ADAMTS17: variants seen among roughly 807,000 people sequenced by gnomAD.
The protein encoded by ADAMTS17 is A disintegrin and metalloproteinase with thrombospondin motifs 17.
In ADAMTS17, 113 loss-of-function variants were observed where a neutral mutation model predicts 141.5. That is an observed-to-expected ratio of 0.80 (90% CI 0.69 to 0.93). The LOEUF is 0.93. Ranked by LOEUF, ADAMTS17 falls within the 40% of genes least tolerant of loss-of-function variation. The probability of loss-of-function intolerance (pLI) is 0.00; values close to 1 mark genes in which losing one functional copy is unlikely to be tolerated. For synonymous variants in ADAMTS17, 768 were observed against 630.6 expected, an observed-to-expected ratio of 1.22 and a Z score of -3.27; for missense variants, 1,659 against 1,517.9, an observed-to-expected ratio of 1.09 and a Z score of -1.54.
chr15:100,284,524 T>C (rs74037444), intron 3 of ADAMTS17, among the ~76,000 whole-genome samples: 10 of 152,276 alleles, frequency 6.6e-5, no homozygotes, highest in African/African-American at 2.2e-4. Flanking sequence ...CAAGAGACCG[T>C]GGACTTGCAT....
At chr15:100,107,290 G>C (rs142268945) in intron 14 of ADAMTS17, among the ~76,000 whole-genome samples, 1 of 152,128 alleles carries the variant, frequency 6.6e-6, no homozygotes, top group Admixed American at 6.5e-5. Context: ...TCTGCTGTCC[G>C]CATGGGCAAG....
intron 7 of ADAMTS17, among the ~76,000 whole-genome samples, chr15:100,231,349 C>T (rs1003587733): frequency 1.3e-5 from 2 of 152,230 alleles, no homozygotes; most frequent in Non-Finnish European, 2.9e-5. Context: ...AACTCTCTGG[C>T]TAATTCTCAT....
chr15:100,117,079 G>A lies in ADAMTS17; in HGVS notation c.1722-66C>T, dbSNP rs986276938. 154 of 1,528,054 alleles carry A rather than the reference G, an allele frequency of 1.0e-4. 1 individual carries two copies. The African/African-American group carries it at 1.8e-3, about 18-fold the overall frequency. 94.7% of individuals were successfully genotyped at this position (1,528,054 alleles called of 1,614,324 possible). A position where few individuals can be genotyped will look rare whatever the true frequency, so the allele number is the denominator to read the frequency against. On this transcript the variant is annotated intron_variant, in intron 12 of 21. Coordinates refer to ENST00000268070, the MANE Select transcript of ADAMTS17 (RefSeq NM_139057.4). The stretch of plus-strand genomic sequence containing the variant: ...ACCAAAGGGCAGGAGAGCTGTTTCC[G>A]TCTCTCTTGCCAGGGGGAGGAGAGG...
intron 6 of ADAMTS17, among the ~76,000 whole-genome samples, chr15:100,255,202 C>T (rs1371040853): frequency 6.6e-6 from 1 of 152,080 alleles, no homozygotes; most frequent in African/African-American, 2.4e-5. Flanking sequence ...TGGATCATTC[C>T]TATGCTTCTT....
chr15:100,209,054 C>T (rs1043393264), intron 7 of ADAMTS17, among the ~76,000 whole-genome samples: 1 of 134,426 alleles, frequency 7.4e-6, no homozygotes, highest in African/African-American at 2.8e-5. Context: ...CTCTTATAGC[C>T]GTATTTCTAA....
At chr15:100,044,768 C>A (rs555665954) in intron 18 of ADAMTS17, among the ~76,000 whole-genome samples, 1 of 151,778 alleles carries the variant, frequency 6.6e-6, no homozygotes, top group South Asian at 2.1e-4. Flanking sequence ...AGCAGCACTG[C>A]TCAACAGAAA....
intron 7 of ADAMTS17, among the ~76,000 whole-genome samples, chr15:100,245,622 A>G (rs184492185): frequency 7.2e-5 from 11 of 152,380 alleles, no homozygotes; most frequent in Admixed American, 7.2e-4. Flanking sequence ...AAGAACAAGA[A>G]AAGTTGAACT....
intron 7 of ADAMTS17, among the ~76,000 whole-genome samples, chr15:100,243,440 A>G (rs11855658): frequency 6.6e-6 from 1 of 152,204 alleles, no homozygotes; most frequent in South Asian, 2.1e-4. Flanking sequence ...CCAGCAGTGC[A>G]CAAGGGTTCC....
intron 7 of ADAMTS17, 144 bp from the exon 8 acceptor site, chr15:100,199,567 G>A: frequency 1.3e-6 from 1 of 765,420 alleles, no homozygotes. Context: ...CACCTGGGAA[G>A]GGTTTGTGTA....
In ADAMTS17 at chr15:100,109,130, G is replaced by A. The variant is rs374520210; in HGVS notation, c.1889-14C>T. 340 of 1,604,470 alleles carry A rather than the reference G, an allele frequency of 2.1e-4. No homozygotes were observed. The highest frequency in any genetic ancestry group is 2.7e-4 in the Non-Finnish European group (322 of 1,175,412). On this transcript the variant is annotated splice_polypyrimidine_tract_variant and intron_variant, in intron 13 of 21. Transcript: ENST00000268070. ...CACATGGCTTATCTGAGGAGGGAAA[G>A]GTTGGAGGACGTTGACACGGGAAGG...
At chr15:100,111,894 C>T (rs1311854733) in intron 13 of ADAMTS17, among the ~76,000 whole-genome samples, 5 of 152,194 alleles carry the variant, frequency 3.3e-5, no homozygotes, top group Non-Finnish European at 5.9e-5. Context: ...GGTCACGCCC[C>T]GCCTCTTGGC....
intron 3 of ADAMTS17, among the ~76,000 whole-genome samples, chr15:100,293,381 A>G (rs1185030041): frequency 6.6e-6 from 1 of 152,200 alleles, no homozygotes. Context: ...AGCCCACTTT[A>G]AGTACAAAGA....
intron 3 of ADAMTS17, 106 bp downstream of exon 3, chr15:100,330,783 G>A (rs2046027170): frequency 1.4e-6 from 2 of 1,423,764 alleles, no homozygotes; most frequent in Admixed American, 1.9e-5. Context: ...TTGAAATATA[G>A]GGGAAGGTAA....
intron 18 of ADAMTS17, among the ~76,000 whole-genome samples, chr15:100,021,883 G>A (rs973871323): frequency 7.2e-5 from 11 of 151,996 alleles, no homozygotes; most frequent in Admixed American, 3.9e-4. Context: ...CTCATTTCTC[G>A]GTTGGCCAAT....
At chr15:100,116,657 C>G (rs955487683) in intron 13 of ADAMTS17, among the ~76,000 whole-genome samples, 190 bp downstream of exon 13, 1 of 152,254 alleles carries the variant, frequency 6.6e-6, no homozygotes. Flanking sequence ...TGGAACATCT[C>G]AGAGAGCTGG....
At chr15:100,316,775 C>G (rs577270759) in intron 3 of ADAMTS17, among the ~76,000 whole-genome samples, 2 of 151,176 alleles carry the variant, frequency 1.3e-5, no homozygotes, top group East Asian at 1.9e-4. Flanking sequence ...GCAAATATAT[C>G]AAGACATGCA....
chr15:100,065,040 T>A (rs192132839), intron 15 of ADAMTS17, among the ~76,000 whole-genome samples: 2 of 152,178 alleles, frequency 1.3e-5, no homozygotes, highest in East Asian at 3.8e-4. Flanking sequence ...AATACCTATT[T>A]TGAGGGGTTT....
chr15:99,976,266 G>T, intron 20 of ADAMTS17, 44 bp from the exon 21 acceptor site: 2 of 1,535,672 alleles, frequency 1.3e-6, no homozygotes, highest in Non-Finnish European at 1.7e-6. Context: ...ATGAGGTCAA[G>T]GGACTGGGAT....
intron 18 of ADAMTS17, among the ~76,000 whole-genome samples, chr15:100,001,761 A>G (rs1389432684): frequency 1.3e-5 from 2 of 152,058 alleles, no homozygotes; most frequent in Admixed American, 6.5e-5. Flanking sequence ...TCCTGAGGTT[A>G]GGAGTTCGAG....
Sources: gnomAD v4.1 joint callset for allele counts (sites outside exome capture counted in the v4.1 genomes callset) on GRCh38, gnomAD v4.1.1 for gene constraint, MANE v1.5 for transcripts, NCBI Gene and HGNC (gene_info 2026-07-23, HGNC 2026-07-21) for gene names.